The following DAB1 variants were observed in gnomAD, a reference collection of about 807,000 sequenced individuals.
DAB1 encodes DAB adaptor protein 1.
A neutral mutation model predicts 64.6 loss-of-function variants in DAB1; 15 were observed. The observed-to-expected ratio is 0.23, with a 90% CI of 0.16 to 0.36. DAB1 has a LOEUF of 0.36. DAB1 is among the 10% of genes least tolerant of loss of function. The probability of loss-of-function intolerance (pLI) is 1.00; values close to 1 mark genes in which losing one functional copy is unlikely to be tolerated. For missense variants in DAB1, 596 were observed against 706.7 expected (o/e 0.84, Z 1.78); for synonymous variants, 235 against 251.9 (o/e 0.93, Z 0.64).
intron 7 of DAB1, among the ~76,000 whole-genome samples, chr1:57,598,368 T>C (rs1645536343): frequency 6.6e-6 from 1 of 152,280 alleles, no homozygotes; most frequent in Non-Finnish European, 1.5e-5. Context: ...CTTTGCTGTG[T>C]GCCCCTTGGC....
At chr1:57,785,723 A>T (rs1184660714) in intron 6 of DAB1, among the ~76,000 whole-genome samples, 2 of 152,222 alleles carry the variant, frequency 1.3e-5, no homozygotes, top group African/African-American at 2.4e-5. Context: ...GATCAAATAA[A>T]GTTCAGAATC....
In DAB1 at chr1:57,080,755, C is replaced by T. The variant is rs569059386; in HGVS notation, c.307-8341G>A. Among the ~76,000 whole-genome samples the T allele has an allele frequency of 3.2e-4, 44 of 135,796 alleles. 2 individuals carry two copies. Among genetic ancestry groups the T allele is most frequent in the South Asian group, 2.5e-3 (11 of 4,366 alleles). The allele number at this position is 135,796 out of a possible 152,430, so 89.1% of individuals were successfully genotyped here. A position where few individuals can be genotyped will look rare whatever the true frequency, so the allele number is the denominator to read the frequency against. ...GTTACAACACACACACACACACACA[C>T]GCACACACACACACACACACCTTAA... On this transcript the variant is annotated intron_variant, in intron 4 of 14. Transcript: ENST00000371236.
intron 9 of DAB1, among the ~76,000 whole-genome samples, chr1:57,041,123 G>A (rs1357048700): frequency 6.6e-6 from 1 of 152,182 alleles, no homozygotes. Flanking sequence ...AAAATAGCCA[G>A]GAGGGCTTTG....
intron 7 of DAB1, among the ~76,000 whole-genome samples, chr1:57,532,892 AT>A (rs1252883645): frequency 2.6e-5 from 4 of 152,176 alleles, no homozygotes; most frequent in African/African-American, 9.7e-5. Context: ...TGCTGTAATC[AT>A]TTTATATGTA....
At chr1:57,895,366 T>A (rs947989621) in intron 5 of DAB1, among the ~76,000 whole-genome samples, 7 of 152,210 alleles carry the variant, frequency 4.6e-5, no homozygotes, top group African/African-American at 1.7e-4. Flanking sequence ...CACAGCTAGT[T>A]AATGTTGGAA....
chr1:58,527,415 A>C (rs1031410548), intron 1 of DAB1: 36 of 758,938 alleles, frequency 4.7e-5, no homozygotes, highest in Non-Finnish European at 7.6e-5. Context: ...ATTTTTAAAA[A>C]ACAGTTTCAT....
At chr1:57,983,142 A>T (rs1341370661) in intron 5 of DAB1, among the ~76,000 whole-genome samples, 1 of 152,214 alleles carries the variant, frequency 6.6e-6, no homozygotes, top group African/African-American at 2.4e-5. Flanking sequence ...ACAGACAGAG[A>T]TAAGTCTTCA....
At chr1:58,053,763 G>A (rs934707878) in intron 5 of DAB1, among the ~76,000 whole-genome samples, 1 of 152,190 alleles carries the variant, frequency 6.6e-6, no homozygotes, top group African/African-American at 2.4e-5. Flanking sequence ...CCCTTTCCTA[G>A]TTATGGCAGA....
At chr1:57,710,057 CCTCA>C (rs1358063870) in intron 6 of DAB1, among the ~76,000 whole-genome samples, 2 of 151,932 alleles carry the variant, frequency 1.3e-5, no homozygotes, top group Admixed American at 1.3e-4. Context: ...CTCCTTTTAC[CCTCA>C]CTATCTTCCT....
intron 2 of DAB1, among the ~76,000 whole-genome samples, chr1:57,251,642 A>C (rs867350761): frequency 6.6e-6 from 1 of 152,142 alleles, no homozygotes. Context: ...TCATTTCAGG[A>C]CTTTTATCAG....
chr1:57,830,519 A>T (rs959874827), intron 1 of DAB1, among the ~76,000 whole-genome samples: 1 of 152,186 alleles, frequency 6.6e-6, no homozygotes, highest in East Asian at 1.9e-4. Flanking sequence ...TCTGAACAGC[A>T]TCTCTCACCC....
intron 1 of DAB1, among the ~76,000 whole-genome samples, chr1:57,306,393 T>G (rs553910208): frequency 6.6e-6 from 1 of 152,152 alleles, no homozygotes; most frequent in Non-Finnish European, 1.5e-5. Flanking sequence ...TCCACATATA[T>G]ATTAGCTGAT....
At chr1:58,500,326 G>A (rs979761703) in intron 3 of DAB1, among the ~76,000 whole-genome samples, 1 of 152,104 alleles carries the variant, frequency 6.6e-6, no homozygotes, top group Non-Finnish European at 1.5e-5. Flanking sequence ...ATGAAATTCT[G>A]TAAGGTGAAC....
intron 6 of DAB1, among the ~76,000 whole-genome samples, chr1:57,711,592 C>A (rs1469938812): frequency 3.3e-5 from 5 of 152,210 alleles, no homozygotes; most frequent in Non-Finnish European, 5.9e-5. Flanking sequence ...TTTGGCATAG[C>A]ACTTAAGTGA....
At chr1:58,359,351 G>A (rs557276330) in intron 3 of DAB1, among the ~76,000 whole-genome samples, 5 of 152,322 alleles carry the variant, frequency 3.3e-5, no homozygotes, top group South Asian at 2.1e-4. Context: ...TGGCACTCAT[G>A]ATCAGTGTTC....
At chr1:57,020,927 AG>A (rs1646595531) in intron 11 of DAB1, among the ~76,000 whole-genome samples, 1 of 152,202 alleles carries the variant, frequency 6.6e-6, no homozygotes, top group Non-Finnish European at 1.5e-5. Context: ...TAGATTCAAA[AG>A]CCCCCAGGAG....
rs116714574 is a variant in DAB1, at chr1:58,444,405, G to A, written n.257+61655C>T. On this transcript the variant is annotated intron_variant and non_coding_transcript_variant, in intron 3 of 20. Transcript: ENST00000485760. ...AAGGCTCAGAGATGTTAAGCAACTT[G>A]CCTAGGGGCACACAGCCTTTCATGT... Among the ~76,000 whole-genome samples the A allele has an allele frequency of 7.9e-3, 1,208 of 152,318 alleles. 14 individuals are homozygous for A. The highest frequency in any genetic ancestry group is 0.027 in the African/African-American group (1,130 of 41,566).
intron 3 of DAB1, among the ~76,000 whole-genome samples, chr1:58,405,052 C>T (rs749356054): frequency 1.3e-5 from 2 of 152,184 alleles, no homozygotes; most frequent in Non-Finnish European, 2.9e-5. Flanking sequence ...ACATTTAACA[C>T]TTCAGGATCA....
In DAB1 at chr1:57,014,893, C is replaced by T; in HGVS notation, c.1434G>A (p.Ser478=). 4.5e-6 allele frequency: 7 copies of T among 1,567,716 alleles called. No homozygotes were observed. Among genetic ancestry groups the T allele is most frequent in the South Asian group, 1.2e-5 (1 of 82,996 alleles). Reference sequence around the variant, plus strand: ...GTGAGGGGCACTCACGTGAGTTGGTCGATGGTGTGGTAGAAGTCACAGGGG... The same window carrying T: ...GTGAGGGGCACTCACGTGAGTTGGTTGATGGTGTGGTAGAAGTCACAGGGG... The part of the protein sequence containing the change: ...NLTPVTSTTP[S]TNSPPTPAPR... Residue 478 remains serine (S), a synonymous_variant, in exon 12 of 15, where the codon TCG becomes TCA. Transcript: ENST00000371236.
Sources: gnomAD v4.1 joint callset for allele counts (sites outside exome capture counted in the v4.1 genomes callset) on GRCh38, gnomAD v4.1.1 for gene constraint, MANE v1.5 for transcripts, NCBI Gene and HGNC (gene_info 2026-07-23, HGNC 2026-07-21) for gene names.